KCNK5: variants seen among roughly 807,000 people sequenced by gnomAD.
The protein encoded by KCNK5 is potassium channel subfamily K member 5.
KCNK5 carries 18 observed loss-of-function variants against 32.9 expected under a neutral mutation model. The ratio of observed to expected loss-of-function variants is 0.55; its 90% CI spans 0.38 to 0.81. The LOEUF (loss-of-function observed/expected upper bound fraction) is 0.81. KCNK5 is among the 30% of genes least tolerant of loss of function. KCNK5 has a pLI of 0.00. For synonymous variants in KCNK5, 276 were observed against 275.3 expected (o/e 1.00, Z -0.03); for missense variants, 507 against 651.0 (o/e 0.78, Z 2.41).
At chr6:39,196,038 C>T (rs767711737) in intron 1 of KCNK5, 51 bp from the exon 2 acceptor site, 8 of 1,333,650 alleles carry the variant, frequency 6.0e-6, no homozygotes, top group Non-Finnish European at 8.4e-6. Flanking sequence ...TTAACAGATG[C>T]TGATTGACAG....
chr6:39,229,116 C>T lies in KCNK5; in HGVS notation c.-5G>A. On this transcript the variant is annotated 5_prime_UTR_variant, in exon 1 of 5. Transcript: ENST00000359534. ...CAGAGGGCCCCGGTCCACCATGGCT[C>T]CCGAGCGGCCGCCTCCTAGAGAAAG... The T allele has an allele frequency of 1.2e-6, 2 of 1,613,602 alleles. No homozygotes were observed. The highest frequency in any genetic ancestry group is 1.7e-6 in the Non-Finnish European group (2 of 1,179,794).
intron 1 of KCNK5, among the ~76,000 whole-genome samples, chr6:39,211,263 C>T (rs1562055280): frequency 6.6e-6 from 1 of 152,116 alleles, no homozygotes; most frequent in African/African-American, 2.4e-5. Context: ...AGCAACAAGT[C>T]AGAGATCAAT....
In KCNK5 at chr6:39,229,126, C is replaced by A; in HGVS notation, c.-15G>T. On this transcript the variant is annotated 5_prime_UTR_variant, in exon 1 of 5. Coordinates refer to ENST00000359534, the MANE Select transcript of KCNK5 (RefSeq NM_003740.4). ...CGGTCCACCATGGCTCCCGAGCGGCCGCCTCCTAGAGAAAGCCTCTCCTAG... is the reference window on the plus strand; with the variant it reads ...CGGTCCACCATGGCTCCCGAGCGGCAGCCTCCTAGAGAAAGCCTCTCCTAG... 6.2e-7 allele frequency: 1 copy of A among 1,613,072 alleles called. No individual in the cohort carries two copies.
rs34148853 is a variant in KCNK5 at position 39,198,478 on chromosome 6, CT to C, written c.187-2492del. The stretch of plus-strand genomic sequence containing the variant: ...TGGCAGTATCAAGATTCAAAATCAT[CT>C]GGCTGGATATAGGGGCCAAAATCAA... On this transcript the variant is annotated intron_variant, in intron 1 of 4. Coordinates refer to ENST00000359534, the MANE Select transcript of KCNK5 (RefSeq NM_003740.4). Among the ~76,000 whole-genome samples, 1,268 of 152,342 alleles carry C rather than the reference CT, an allele frequency of 8.3e-3. 11 individuals are homozygous for C. The highest frequency in any genetic ancestry group is 0.024 in the Middle Eastern group (7 of 294).
At chr6:39,204,413 C>G (rs1215695938) in intron 1 of KCNK5, among the ~76,000 whole-genome samples, 1 of 152,228 alleles carries the variant, frequency 6.6e-6, no homozygotes, top group Non-Finnish European at 1.5e-5. Context: ...CTGGAGTCCC[C>G]CTGCCTGGGC....
At position 39,194,294 on chromosome 6, in the gene KCNK5, C is replaced by T. The variant is rs1398708581; in HGVS notation, c.509G>A (p.Gly170Asp). The T allele has an allele frequency of 1.9e-6, 3 of 1,613,662 alleles. No individual in the cohort carries two copies. The highest frequency in any genetic ancestry group is 2.5e-6 in the Non-Finnish European group (3 of 1,179,772). Residue 170 changes from glycine (G) to aspartate (D), a missense_variant, in exon 4 of 5, where the codon GGC becomes GAC. Around this residue, in one of 6 missense-constraint regions of KCNK5, gnomAD observed 22 missense variants for 19.8 expected, o/e 1.11. Transcript: ENST00000359534. This position sits in a 1 kb window ranked among gnomAD's most constrained non-coding sequence, Gnocchi z 4.7. ...ITCTVIFIVW[G>D]VLVHLVIPPF... ...TGGGATCACCAGGTGGACTAGGACGCCCCACACGATGAAGATGACTGTGCA... is the reference window on the plus strand; with the variant it reads ...TGGGATCACCAGGTGGACTAGGACGTCCCACACGATGAAGATGACTGTGCA...
chr6:39,200,905 A>T (rs917497402), intron 1 of KCNK5, among the ~76,000 whole-genome samples: 2 of 152,142 alleles, frequency 1.3e-5, no homozygotes, highest in Non-Finnish European at 2.9e-5. Flanking sequence ...GGGCTTTGGG[A>T]CATGCCACCC....
In KCNK5 at chr6:39,189,816, C is replaced by T. The variant is rs1770887979; in HGVS notation, c.*1074G>A. ...ATCAAACACTAGCTAGAGAAAGGAG[C>T]TTGATTCACATATCTGACCATCACC... On this transcript the variant is annotated 3_prime_UTR_variant, in exon 5 of 5. Coordinates refer to ENST00000359534, the MANE Select transcript of KCNK5 (RefSeq NM_003740.4). 1.3e-5 allele frequency: 2 copies of T among 152,684 alleles called. No homozygotes were observed. The allele number at this position is 152,684 out of a possible 1,614,324, so 9.5% of individuals were successfully genotyped here.
At chr6:39,226,973 G>A (rs1771683161) in intron 1 of KCNK5, among the ~76,000 whole-genome samples, 1 of 151,848 alleles carries the variant, frequency 6.6e-6, no homozygotes, top group African/African-American at 2.4e-5. Flanking sequence ...CTTTTTTTTG[G>A]TAGGGGGGTA....
At chr6:39,193,146 T>A (rs1487282811) in intron 4 of KCNK5, among the ~76,000 whole-genome samples, 1 of 148,556 alleles carries the variant, frequency 6.7e-6, no homozygotes, top group African/African-American at 2.4e-5. Context: ...GGTGTCTTGC[T>A]GGTGCTGAGA....
chr6:39,197,343 C>A (rs756857844), intron 1 of KCNK5, among the ~76,000 whole-genome samples: 6 of 152,240 alleles, frequency 3.9e-5, no homozygotes, highest in Non-Finnish European at 5.9e-5. Context: ...TCTGCACACT[C>A]TGCAAAGAAT....
intron 1 of KCNK5, among the ~76,000 whole-genome samples, chr6:39,217,850 C>G (rs1771469017): frequency 6.6e-6 from 1 of 152,148 alleles, no homozygotes; most frequent in African/African-American, 2.4e-5. Flanking sequence ...GCCTGAGGCC[C>G]TGGCTGGCCC....
chr6:39,203,665 G>C (rs374683403), intron 1 of KCNK5, among the ~76,000 whole-genome samples: 27 of 152,294 alleles, frequency 1.8e-4, no homozygotes, highest in East Asian at 1.4e-3. Flanking sequence ...CATGAAGCAA[G>C]ACAATGGGCA....
rs773699164 is a variant in KCNK5 at position 39,195,989 on chromosome 6, T to A, written c.187-2A>T. On this transcript the variant is annotated splice_acceptor_variant, in intron 1 of 4. Transcript: ENST00000359534. LOFTEE classifies it high-confidence loss of function. ...CTGTCCTGCAGCATCAGATACCACC[T>A]AAAATGAGAAACAGTAAAGGTCAGA... 1 of 1,608,580 alleles carries A rather than the reference T, an allele frequency of 6.2e-7. No individual in the cohort carries two copies. The highest frequency in any genetic ancestry group is 8.5e-7 in the Non-Finnish European group (1 of 1,176,442).
At chr6:39,195,303 T>C (rs1244156160) in intron 2 of KCNK5, among the ~76,000 whole-genome samples, 1 of 152,222 alleles carries the variant, frequency 6.6e-6, no homozygotes, top group Non-Finnish European at 1.5e-5. Flanking sequence ...GCCTTGTGTT[T>C]TCATCCCCAG....
In KCNK5 at chr6:39,212,554, C is replaced by T. The variant is rs575587800; in HGVS notation, c.186+16372G>A. Reference sequence around the variant, plus strand: ...AAGTCTTGCCTGTGCTTGTGTTTTTCGTTCATCTGAAGGACAGGGCAAGTC... The same window carrying T: ...AAGTCTTGCCTGTGCTTGTGTTTTTTGTTCATCTGAAGGACAGGGCAAGTC... On this transcript the variant is annotated intron_variant, in intron 1 of 4. Transcript: ENST00000359534. 1.4e-3 allele frequency among the ~76,000 whole-genome samples: 219 copies of T among 152,258 alleles called. 1 individual carries two copies. The highest frequency in any genetic ancestry group is 6.8e-3 in the Middle Eastern group (2 of 292).
At chr6:39,223,540 T>C (rs1264331629) in intron 1 of KCNK5, among the ~76,000 whole-genome samples, 1 of 152,216 alleles carries the variant, frequency 6.6e-6, no homozygotes, top group Admixed American at 6.5e-5. Context: ...TATGGTCTCC[T>C]ACCTCACTTC....
intron 1 of KCNK5, among the ~76,000 whole-genome samples, chr6:39,226,397 T>C (rs1771671099): frequency 6.6e-6 from 1 of 152,162 alleles, no homozygotes; most frequent in Non-Finnish European, 1.5e-5. Flanking sequence ...ATCTGACAAT[T>C]CGGGGGGTAT....
intron 1 of KCNK5, among the ~76,000 whole-genome samples, chr6:39,223,318 G>A (rs973903335): frequency 3.9e-5 from 6 of 152,164 alleles, no homozygotes; most frequent in African/African-American, 1.2e-4. Flanking sequence ...CCAAGGCCCC[G>A]CAGTGGCAGC....
Sources: gnomAD v4.1 joint callset for allele counts (sites outside exome capture counted in the v4.1 genomes callset) on GRCh38, gnomAD v4.1.1 for gene constraint, gnomAD v4.1.1 regional missense constraint, Gnocchi (gnomAD v3.1) non-coding constraint, MANE v1.5 for transcripts, NCBI Gene and HGNC (gene_info 2026-07-23, HGNC 2026-07-21) for gene names.